GPD2: variants seen among roughly 807,000 people sequenced by gnomAD.
GPD2 encodes glycerol-3-phosphate dehydrogenase 2.
Under a neutral mutation model 82.4 loss-of-function variants are expected in GPD2, and 54 were observed. The ratio of observed to expected loss-of-function variants is 0.66; its 90% confidence interval spans 0.53 to 0.82. The LOEUF (loss-of-function observed/expected upper bound fraction) is 0.82. Among genes scored for constraint, GPD2 ranks in the 40% least tolerant of loss-of-function variants. GPD2 has a pLI of 0.00. For missense variants in GPD2, 748 were observed against 896.2 expected (o/e 0.83, Z 2.11); for synonymous variants, 288 against 306.1 (o/e 0.94, Z 0.62).
At chr2:156,400,429 C>T in the GPD2 span, among the ~76,000 whole-genome samples, 2 of 152,216 alleles carry the variant, frequency 1.3e-5, no homozygotes, top group Non-Finnish European at 2.9e-5. Context: ...CGCAATAAGC[C>T]TGGGGAGGTG....
intron 9 of GPD2, among the ~76,000 whole-genome samples, chr2:156,561,050 T>TTTTTTTTTTG: frequency 8.2e-6 from 1 of 122,518 alleles, no homozygotes; most frequent in Non-Finnish European, 1.7e-5. Flanking sequence ...CTTTTTTTTT[T>TTTTTTTTTTG]TTTTTTTTTT....
intron 13 of GPD2, among the ~76,000 whole-genome samples, chr2:156,571,584 A>G (rs1411164074): frequency 2.0e-5 from 3 of 152,144 alleles, no homozygotes; most frequent in African/African-American, 7.2e-5. Flanking sequence ...TTCATTGAAA[A>G]CACTCTTGGA....
Position 156,444,401 on chromosome 2 carries a change from C to G in GPD2, c.-9+7888C>G, listed in dbSNP as rs911685060. On this transcript the variant is annotated intron_variant, in intron 1 of 16. Transcript: ENST00000438166. ...CCCATCCCCATCCGCCATTAAGTAG[C>G]TGGGATACTTATCTAAAAAATATAG... 3.2e-4 allele frequency among the ~76,000 whole-genome samples: 49 copies of G among 152,164 alleles called. 1 individual carries two copies. The highest frequency in any genetic ancestry group is 1.2e-3 in the Admixed American group (18 of 15,280).
At chr2:156,409,627 G>A in the GPD2 span, among the ~76,000 whole-genome samples, 1 of 152,296 alleles carries the variant, frequency 6.6e-6, no homozygotes, top group Middle Eastern at 3.4e-3. Context: ...TTGAGCCTGG[G>A]AGTTTGAGGT....
intron 13 of GPD2, among the ~76,000 whole-genome samples, chr2:156,576,834 A>T (rs568468311): frequency 6.6e-6 from 1 of 152,354 alleles, no homozygotes; most frequent in South Asian, 2.1e-4. Flanking sequence ...GGGAAGCATC[A>T]GAGGTGGCAT....
chr2:156,514,327 G>C (rs1685118080), intron 6 of GPD2, among the ~76,000 whole-genome samples: 1 of 151,920 alleles, frequency 6.6e-6, no homozygotes, highest in South Asian at 2.1e-4. Flanking sequence ...GGAAATAGCT[G>C]AACACAGATA....
chr2:156,400,778 G>T, the GPD2 span, among the ~76,000 whole-genome samples: 3 of 152,232 alleles, frequency 2.0e-5, no homozygotes, highest in Non-Finnish European at 1.5e-5. Context: ...GGGGGATGTA[G>T]CTCAGTGGTA....
intron 3 of GPD2, among the ~76,000 whole-genome samples, chr2:156,509,914 C>T (rs1363344265): frequency 6.6e-6 from 1 of 151,984 alleles, no homozygotes; most frequent in East Asian, 1.9e-4. Context: ...GCTGGGATTA[C>T]AGGCGCATGC....
intron 2 of GPD2, among the ~76,000 whole-genome samples, chr2:156,480,483 C>A (rs1683686490): frequency 6.6e-6 from 1 of 151,936 alleles, no homozygotes; most frequent in African/African-American, 2.4e-5. Context: ...TAGGTCCTAA[C>A]TGGAAAAACT....
intron 8 of GPD2, among the ~76,000 whole-genome samples, chr2:156,556,907 ACTTT>A (rs1452454491): frequency 6.6e-6 from 1 of 152,238 alleles, no homozygotes; most frequent in African/African-American, 2.4e-5. Flanking sequence ...TAGACCCTTC[ACTTT>A]CTTATGTACT....
chr2:156,495,550 C>T (rs1201434363), intron 2 of GPD2: 1 of 436,962 alleles, frequency 2.3e-6, no homozygotes, highest in East Asian at 7.5e-5. Flanking sequence ...CTTATGTACC[C>T]CCAAACTCTA....
At chr2:156,536,419 C>A (rs1300886459) in intron 6 of GPD2, among the ~76,000 whole-genome samples, 1 of 152,102 alleles carries the variant, frequency 6.6e-6, no homozygotes, top group Non-Finnish European at 1.5e-5. Context: ...TAAATTGTGA[C>A]CAGATGAATT....
At chr2:156,438,650 G>A (rs1422267863) in intron 1 of GPD2, among the ~76,000 whole-genome samples, 1 of 152,120 alleles carries the variant, frequency 6.6e-6, no homozygotes, top group Admixed American at 6.5e-5. Context: ...CTTTCTGTTT[G>A]TCAACACCTG....
intron 6 of GPD2, among the ~76,000 whole-genome samples, chr2:156,516,915 T>A (rs1311384379): frequency 6.6e-6 from 1 of 152,226 alleles, no homozygotes; most frequent in Non-Finnish European, 1.5e-5. Context: ...ACTGAGAAGA[T>A]CTGTAAGGTA....
chr2:156,507,358 G>A (rs1188739917), intron 3 of GPD2, among the ~76,000 whole-genome samples: 3 of 146,534 alleles, frequency 2.0e-5, no homozygotes, highest in Non-Finnish European at 3.0e-5. Flanking sequence ...GTCTCATTCT[G>A]TCATTCAGGC....
Position 156,584,420 on chromosome 2 carries a change from G to A in GPD2, c.*1502G>A, listed in dbSNP as rs1047750246. ...ACTTTTTGCTGTTATTTTTATTTAT[G>A]TCAATACTGCAGAGTATCTTTATGC... On this transcript the variant is annotated 3_prime_UTR_variant, in exon 17 of 17. Transcript: ENST00000438166. The A allele has an allele frequency of 1.3e-5, 2 of 152,230 alleles. No individual in the cohort carries two copies. The highest frequency in any genetic ancestry group is 2.4e-5 in the African/African-American group (1 of 41,354). 9.4% of individuals were successfully genotyped at this position (152,230 alleles called of 1,614,324 possible).
At chr2:156,419,677 G>T in the GPD2 span, among the ~76,000 whole-genome samples, 154 of 152,276 alleles carry the variant, frequency 1.0e-3, no homozygotes, top group Non-Finnish European at 1.6e-3. Flanking sequence ...CAAGATTGAA[G>T]AGACAGAATG....
intron 1 of GPD2, among the ~76,000 whole-genome samples, chr2:156,453,544 G>T (rs2105161514): frequency 6.6e-6 from 1 of 152,296 alleles, no homozygotes; most frequent in Middle Eastern, 3.4e-3. Context: ...GTCAAACAAA[G>T]GTCATCAGAG....
At chr2:156,455,733 G>A (rs188061533) in intron 1 of GPD2, among the ~76,000 whole-genome samples, 135 of 119,694 alleles carry the variant, frequency 1.1e-3, no homozygotes, top group African/African-American at 3.6e-3. Context: ...ATCCCTTAGC[G>A]CCTTGTCCTT....
Sources: allele counts gnomAD v4.1 joint callset (sites outside exome capture counted in the v4.1 genomes callset), GRCh38; gene constraint gnomAD v4.1.1; transcripts MANE v1.5; gene names NCBI Gene and HGNC (gene_info 2026-07-23, HGNC 2026-07-21).